FAT3: variants seen among roughly 807,000 people sequenced by gnomAD.
FAT3 encodes the protein FAT atypical cadherin 3, also known as protocadherin Fat 3.
FAT3 carries 95 observed loss-of-function variants against 310.2 expected under a neutral mutation model. The ratio of observed to expected loss-of-function variants is 0.31; its 90% CI spans 0.26 to 0.36. The LOEUF is 0.36. Ranked by LOEUF, FAT3 falls within the 10% of genes least tolerant of loss-of-function variation. The pLI is 1.00. For synonymous variants in FAT3, 2,314 were observed against 2,192.9 expected (o/e 1.06, Z -1.54); for missense variants, 5,408 against 5,715.6 (o/e 0.95, Z 1.74).
intron 1 of FAT3, among the ~76,000 whole-genome samples, chr11:92,232,643 T>G (rs987069059): frequency 8.6e-4 from 125 of 145,818 alleles, no homozygotes; most frequent in Non-Finnish European, 1.5e-3. Flanking sequence ...TTTTTTTTTT[T>G]TTTTTTTTTT....
At chr11:92,888,500 G>C (rs1231471400) in intron 25 of FAT3, among the ~76,000 whole-genome samples, 1 of 152,208 alleles carries the variant, frequency 6.6e-6, no homozygotes, top group Non-Finnish European at 1.5e-5. Flanking sequence ...TCCCAAATGA[G>C]GCAGGTGGTG....
intron 7 of FAT3, among the ~76,000 whole-genome samples, chr11:92,777,595 AG>A (rs1163983844): frequency 6.6e-6 from 1 of 152,212 alleles, no homozygotes; most frequent in African/African-American, 2.4e-5. Context: ...TTATTTTGTA[AG>A]GGATATTATT....
chr11:92,411,495 C>T (rs1354133066), intron 2 of FAT3, among the ~76,000 whole-genome samples: 1 of 152,054 alleles, frequency 6.6e-6, no homozygotes. Context: ...AATACAATTT[C>T]ACAGGGCTCA....
At chr11:92,466,669 TGTGCTGCACCCATTAACTC>T (rs1428057583) in intron 2 of FAT3, among the ~76,000 whole-genome samples, 1 of 151,390 alleles carries the variant, frequency 6.6e-6, no homozygotes, top group Non-Finnish European at 1.5e-5. Context: ...GCCATGCTGG[TGTGCTGCACCCATTAACTC>T]GTCATTTAGC....
chr11:92,613,412 A>G (rs1189263230), intron 3 of FAT3, among the ~76,000 whole-genome samples: 1 of 152,188 alleles, frequency 6.6e-6, no homozygotes, highest in African/African-American at 2.4e-5. Flanking sequence ...AAAAAAAACT[A>G]AGTTTAAAAA....
intron 2 of FAT3, among the ~76,000 whole-genome samples, chr11:92,366,087 A>G (rs1949014255): frequency 6.6e-6 from 1 of 152,164 alleles, no homozygotes; most frequent in Non-Finnish European, 1.5e-5. Flanking sequence ...CTCCCAGGCA[A>G]TGGCCTGACT....
intron 3 of FAT3, among the ~76,000 whole-genome samples, chr11:92,634,451 C>T (rs1941681722): frequency 6.6e-6 from 1 of 152,202 alleles, no homozygotes; most frequent in Non-Finnish European, 1.5e-5. Context: ...TCCTCCTATA[C>T]TGAAGATTGT....
chr11:92,470,150 G>A (rs1951870022), intron 2 of FAT3, among the ~76,000 whole-genome samples: 1 of 152,146 alleles, frequency 6.6e-6, no homozygotes, highest in Non-Finnish European at 1.5e-5. Context: ...TTTATTGCCC[G>A]AGGCAGAACC....
chr11:92,619,155 T>C (rs1394714733), intron 3 of FAT3, among the ~76,000 whole-genome samples: 1 of 152,230 alleles, frequency 6.6e-6, no homozygotes, highest in Non-Finnish European at 1.5e-5. Context: ...GATTTGTAGA[T>C]GTTAAGCCAA....
rs149524046 is a variant in FAT3 at position 92,570,471 on chromosome 11, T to C, written c.3607+45523T>C. Among the ~76,000 whole-genome samples the C allele has an allele frequency of 5.5e-3, 843 of 152,300 alleles. 5 individuals carry two copies. The highest frequency in any genetic ancestry group is 0.019 in the African/African-American group (800 of 41,566). On this transcript the variant is annotated intron_variant, in intron 3 of 27. Transcript: ENST00000525166. The stretch of plus-strand genomic sequence containing the variant: ...TTGATTATGAAAATTTGAGAACATA[T>C]GCACAAGGGAAGAGAACAGTGGAAT...
intron 12 of FAT3, among the ~76,000 whole-genome samples, chr11:92,808,524 A>G (rs139548660): frequency 2.1e-4 from 32 of 152,336 alleles, no homozygotes; most frequent in East Asian, 5.8e-4. Context: ...GAATGTCCCA[A>G]TGAAAATCCC....
At chr11:92,507,514 T>G (rs1953145990) in intron 2 of FAT3, among the ~76,000 whole-genome samples, 1 of 151,998 alleles carries the variant, frequency 6.6e-6, no homozygotes, top group African/African-American at 2.4e-5. Context: ...TACACATATA[T>G]ATACACATGT....
chr11:92,405,080 T>C (rs776436013), intron 2 of FAT3, among the ~76,000 whole-genome samples: 2 of 152,058 alleles, frequency 1.3e-5, no homozygotes, highest in Admixed American at 6.6e-5. Context: ...TAAATCTCTT[T>C]CTGTATGAAC....
chr11:92,641,309 C>A (rs895639723), intron 3 of FAT3, among the ~76,000 whole-genome samples: 1 of 152,150 alleles, frequency 6.6e-6, no homozygotes, highest in South Asian at 2.1e-4. Flanking sequence ...TGCTAAATAT[C>A]TGCATAATTA....
At position 92,548,923 on chromosome 11, in the gene FAT3, T is replaced by G. The variant is rs1954707627; in HGVS notation, c.3607+23975T>G. Among the ~76,000 whole-genome samples the G allele has an allele frequency of 2.6e-5, 4 of 152,222 alleles. No homozygotes were observed. The South Asian group carries it at 8.3e-4, about 31-fold the overall frequency. ...AGAAGTTGGCATTTGCAGTTTTTAT[T>G]GGCCAACAGTGTCAACCATGTATTG... On this transcript the variant is annotated intron_variant, in intron 3 of 27. Coordinates refer to ENST00000525166, the MANE Select transcript of FAT3 (RefSeq NM_001367949.2).
chr11:92,459,323 T>C (rs753866864), intron 2 of FAT3, among the ~76,000 whole-genome samples: 43 of 152,126 alleles, frequency 2.8e-4, no homozygotes, highest in African/African-American at 9.7e-4. Flanking sequence ...CAGTTGGCCA[T>C]TGGAGCTGCT....
At chr11:92,407,417 G>A (rs1324984760) in intron 2 of FAT3, among the ~76,000 whole-genome samples, 1 of 152,078 alleles carries the variant, frequency 6.6e-6, no homozygotes, top group Non-Finnish European at 1.5e-5. Context: ...CTACAACATA[G>A]TAAGTGTTCT....
intron 2 of FAT3, among the ~76,000 whole-genome samples, chr11:92,522,906 T>C (rs1245999458): frequency 6.6e-6 from 1 of 152,200 alleles, no homozygotes; most frequent in East Asian, 1.9e-4. Context: ...GCTGAATATG[T>C]ATGACTGCAT....
chr11:92,252,849 T>C (rs1865186162), intron 1 of FAT3, among the ~76,000 whole-genome samples: 1 of 152,060 alleles, frequency 6.6e-6, no homozygotes. Context: ...CCAGTAGCAA[T>C]ATGATTAATT....
Sources: allele counts gnomAD v4.1 joint callset (sites outside exome capture counted in the v4.1 genomes callset), GRCh38; gene constraint gnomAD v4.1.1; transcripts MANE v1.5; gene names NCBI Gene and HGNC (gene_info 2026-07-23, HGNC 2026-07-21).